AK5: variants seen among roughly 807,000 people sequenced by gnomAD.
AK5 encodes the protein adenylate kinase 5.
Under a neutral mutation model 69.5 loss-of-function variants are expected in AK5, and 27 were observed. The observed-to-expected ratio is 0.39, with a 90% confidence interval of 0.29 to 0.54. The LOEUF is 0.54. Ranked by LOEUF, AK5 falls within the 20% of genes least tolerant of loss-of-function variation. The pLI, the probability that AK5 is intolerant of heterozygous loss-of-function variation, is 0.71. For missense variants in AK5, 531 were observed against 700.4 expected (o/e 0.76, Z 2.73); for synonymous variants, 260 against 244.4 (o/e 1.06, Z -0.60).
chr1:77,434,395 T>G (rs962911663), intron 8 of AK5, among the ~76,000 whole-genome samples: 6 of 152,122 alleles, frequency 3.9e-5, no homozygotes, highest in African/African-American at 1.4e-4. Context: ...TCTCTATAAG[T>G]TGAGAGATAC....
intron 13 of AK5, among the ~76,000 whole-genome samples, chr1:77,549,736 A>C (rs1659727235): frequency 6.6e-6 from 1 of 152,136 alleles, no homozygotes; most frequent in African/African-American, 2.4e-5. Context: ...ACTTAACATG[A>C]CTTCCAGTTC....
At chr1:77,336,574 A>G (rs996678400) in intron 5 of AK5, among the ~76,000 whole-genome samples, 1 of 152,182 alleles carries the variant, frequency 6.6e-6, no homozygotes, top group Non-Finnish European at 1.5e-5. Context: ...CTTTCTACTT[A>G]GGATAAAAGT....
At chr1:77,344,967 T>G (rs536914812) in intron 6 of AK5, among the ~76,000 whole-genome samples, 34 of 143,682 alleles carry the variant, frequency 2.4e-4, no homozygotes, top group African/African-American at 8.4e-4. Context: ...TGTTTATTTT[T>G]AAAGAAAAAG....
At chr1:77,518,808 C>T in intron 11 of AK5, 81 bp downstream of exon 11, 1 of 1,399,958 alleles carries the variant, frequency 7.1e-7, no homozygotes, top group South Asian at 1.3e-5. Flanking sequence ...ATCTGAGCTG[C>T]TGGAACTAAG....
chr1:77,367,746 T>TTA (rs770503060), intron 6 of AK5, among the ~76,000 whole-genome samples: 247 of 12,528 alleles, frequency 0.02, 37 homozygotes, highest in African/African-American at 0.039. Flanking sequence ...ACGTTATATG[T>TTA]TATATATGTT....
intron 13 of AK5, among the ~76,000 whole-genome samples, chr1:77,543,941 A>C (rs1194068712): frequency 6.6e-6 from 1 of 152,184 alleles, no homozygotes; most frequent in Non-Finnish European, 1.5e-5. Flanking sequence ...ACACACACAC[A>C]CACACACAGT....
chr1:77,432,075 G>A lies in AK5; in HGVS notation c.1059+14360G>A, dbSNP rs78981048. 3.1e-3 allele frequency among the ~76,000 whole-genome samples: 473 copies of A among 152,266 alleles called. 20 individuals are homozygous for A. The East Asian group carries it at 0.072, about 23-fold the overall frequency. On this transcript the variant is annotated intron_variant, in intron 8 of 13. Transcript: ENST00000354567. ...AATCCTCCCTTTATGGCCTTCCCAA[G>A]CACTGTTTTTCAGCTGTTTTTGGTT...
chr1:77,333,623 A>G (rs973048803), intron 5 of AK5, among the ~76,000 whole-genome samples: 4 of 150,742 alleles, frequency 2.7e-5, no homozygotes, highest in Admixed American at 6.7e-5. Flanking sequence ...TCAGCAAACT[A>G]TGGCCCATGT....
At chr1:77,387,636 A>C (rs1207491918) in intron 6 of AK5, among the ~76,000 whole-genome samples, 3 of 152,190 alleles carry the variant, frequency 2.0e-5, no homozygotes. Context: ...AACCCCAATC[A>C]TACTCCCAGG....
intron 13 of AK5, among the ~76,000 whole-genome samples, chr1:77,547,092 G>T (rs1194345174): frequency 1.3e-5 from 2 of 152,138 alleles, no homozygotes. Context: ...AAATTTGCTA[G>T]ATCAGCACTG....
At chr1:77,367,756 TATATATA>T (rs1177768704) in intron 6 of AK5, among the ~76,000 whole-genome samples, 1 of 31,670 alleles carries the variant, frequency 3.2e-5, no homozygotes, top group African/African-American at 8.3e-5. Context: ...TTATATATGT[TATATATA>T]ATATATGTTA....
intron 6 of AK5, among the ~76,000 whole-genome samples, chr1:77,369,157 G>A (rs1647073531): frequency 6.6e-6 from 1 of 152,092 alleles, no homozygotes; most frequent in Non-Finnish European, 1.5e-5. Context: ...ATTCAAAGGA[G>A]TTTTTGTTAT....
At chr1:77,468,913 A>G (rs977512399) in intron 8 of AK5, among the ~76,000 whole-genome samples, 1 of 152,220 alleles carries the variant, frequency 6.6e-6, no homozygotes, top group Non-Finnish European at 1.5e-5. Context: ...GAGCTAGGCT[A>G]GGTCACTCTA....
intron 12 of AK5, among the ~76,000 whole-genome samples, chr1:77,524,243 A>G (rs191992422): frequency 6.6e-6 from 1 of 152,330 alleles, no homozygotes; most frequent in East Asian, 1.9e-4. Flanking sequence ...TGCCATGACT[A>G]CATGTGTACA....
intron 8 of AK5, among the ~76,000 whole-genome samples, chr1:77,475,581 A>G (rs1047118076): frequency 2.1e-5 from 3 of 144,280 alleles, no homozygotes; most frequent in Non-Finnish European, 4.5e-5. Flanking sequence ...CTGTATATCT[A>G]TATATGGATC....
chr1:77,547,020 G>C (rs1018044112), intron 13 of AK5, among the ~76,000 whole-genome samples: 1 of 152,186 alleles, frequency 6.6e-6, no homozygotes, highest in African/African-American at 2.4e-5. Flanking sequence ...TAAAGAGCAA[G>C]ATTGAAGCAA....
chr1:77,464,281 A>G (rs1021818189), intron 8 of AK5, among the ~76,000 whole-genome samples: 1 of 152,124 alleles, frequency 6.6e-6, no homozygotes, highest in Non-Finnish European at 1.5e-5. Flanking sequence ...CAGGTTCCAC[A>G]CAGGAAGAGG....
intron 6 of AK5, among the ~76,000 whole-genome samples, chr1:77,391,669 G>C (rs1389062852): frequency 2.6e-5 from 4 of 151,540 alleles, no homozygotes; most frequent in Non-Finnish European, 5.9e-5. Flanking sequence ...ATAATAACCA[G>C]CATCTAGAAA....
At chr1:77,374,225 G>GT (rs1570463285) in intron 6 of AK5, among the ~76,000 whole-genome samples, 1 of 152,054 alleles carries the variant, frequency 6.6e-6, no homozygotes, top group Admixed American at 6.6e-5. Context: ...TTCAAAGTGG[G>GT]TTTTTTTGTT....
Sources: allele counts gnomAD v4.1 joint callset (sites outside exome capture counted in the v4.1 genomes callset), GRCh38; gene constraint gnomAD v4.1.1; transcripts MANE v1.5; gene names NCBI Gene and HGNC (gene_info 2026-07-23, HGNC 2026-07-21).